Variants in ITGAV observed in about 807,000 individuals in gnomAD.
ITGAV encodes the protein integrin alpha-V.
A neutral mutation model predicts 143.8 loss-of-function variants in ITGAV; 76 were observed. The ratio of observed to expected loss-of-function variants is 0.53; its 90% CI spans 0.44 to 0.64. The LOEUF (loss-of-function observed/expected upper bound fraction) is 0.64, where lower values mean the gene tolerates loss of function less well. Among genes scored for constraint, ITGAV ranks in the 30% least tolerant of loss-of-function variants. ITGAV has a pLI of 0.00. For synonymous variants in ITGAV, 453 were observed against 446.7 expected, an observed-to-expected ratio of 1.01 and a Z score of -0.18; for missense variants, 1,193 against 1,274.7, an observed-to-expected ratio of 0.94 and a Z score of 0.98.
chr2:186,632,037 TA>T (rs1207482686), intron 5 of ITGAV, among the ~76,000 whole-genome samples: 1 of 152,134 alleles, frequency 6.6e-6, no homozygotes, highest in Non-Finnish European at 1.5e-5. Flanking sequence ...AATGTTTTTT[TA>T]AAAATTTTAT....
intron 2 of ITGAV, among the ~76,000 whole-genome samples, chr2:186,621,585 G>A (rs1433352948): frequency 3.3e-5 from 5 of 152,012 alleles, no homozygotes; most frequent in Admixed American, 1.3e-4. Context: ...GCATTCGGTC[G>A]ACATGTCTTA....
At chr2:186,634,436 G>A (rs1227334906) in intron 6 of ITGAV, among the ~76,000 whole-genome samples, 1 of 136,806 alleles carries the variant, frequency 7.3e-6, no homozygotes, top group African/African-American at 2.9e-5. Context: ...TCTACACTAT[G>A]CTTTCCTGAC....
chr2:186,661,342 C>G (rs1688738656), intron 18 of ITGAV, among the ~76,000 whole-genome samples: 3 of 152,082 alleles, frequency 2.0e-5, no homozygotes, highest in South Asian at 4.1e-4. Context: ...AATTAAGCAT[C>G]AGCTTTTAAC....
In ITGAV at chr2:186,643,539, A is replaced by G. The variant is rs149596545; in HGVS notation, c.1159+1951A>G. Among the ~76,000 whole-genome samples the G allele has an allele frequency of 3.0e-3, 453 of 152,346 alleles. 2 individuals carry two copies. Among genetic ancestry groups the G allele is most frequent in the African/African-American group, 0.01 (436 of 41,584 alleles). On this transcript the variant is annotated intron_variant, in intron 12 of 29. Transcript: ENST00000261023. ...TTAGATCTTTTGTTGTTGTTCATACATGAAGACATTAAGTGTCATTGTTCC... is the reference window on the plus strand; with the variant it reads ...TTAGATCTTTTGTTGTTGTTCATACGTGAAGACATTAAGTGTCATTGTTCC...
intron 2 of ITGAV, among the ~76,000 whole-genome samples, chr2:186,619,420 T>C (rs1431648169): frequency 3.3e-5 from 5 of 151,880 alleles, no homozygotes; most frequent in Non-Finnish European, 7.4e-5. Context: ...AATGGGAAAA[T>C]AGAGATTTGT....
In ITGAV at chr2:186,667,237, A is replaced by T. The variant is rs1308094968; in HGVS notation, c.2327+7A>T. ...CTGCAGTTGAGATAAGAGGGTCAGT[A>T]TGAATACTTAGTTGAGTATCTCATT... On this transcript the variant is annotated splice_region_variant and intron_variant, in intron 23 of 29. Coordinates refer to ENST00000261023, the MANE Select transcript of ITGAV (RefSeq NM_002210.5). 1 of 1,590,968 alleles carries T rather than the reference A, an allele frequency of 6.3e-7. No homozygotes were observed.
At chr2:186,638,603 G>C in intron 10 of ITGAV, 138 bp downstream of exon 10, 1 of 660,512 alleles carries the variant, frequency 1.5e-6, no homozygotes, top group South Asian at 1.9e-5. Flanking sequence ...TACCATTTTG[G>C]TCAAACTATT....
chr2:186,623,172 A>G (rs1026180156), intron 3 of ITGAV, among the ~76,000 whole-genome samples: 1 of 152,198 alleles, frequency 6.6e-6, no homozygotes, highest in Non-Finnish European at 1.5e-5. Flanking sequence ...TATGGTAACC[A>G]TCGTAGTTCT....
chr2:186,668,991 A>G, intron 25 of ITGAV, 71 bp downstream of exon 25: 1 of 1,331,350 alleles, frequency 7.5e-7, no homozygotes, highest in Non-Finnish European at 1.0e-6. Context: ...TGTAAAAGAA[A>G]TTCATAAAAT....
At chr2:186,617,774 T>C (rs1354535282) in intron 2 of ITGAV, among the ~76,000 whole-genome samples, 1 of 152,116 alleles carries the variant, frequency 6.6e-6, no homozygotes, top group Non-Finnish European at 1.5e-5. Context: ...GATACTCTTT[T>C]TTTCTTTTTT....
chr2:186,658,991 T>C (rs765731654), intron 17 of ITGAV, 47 bp from the exon 18 acceptor site: 73 of 1,492,590 alleles, frequency 4.9e-5, no homozygotes, highest in South Asian at 4.8e-4. Context: ...TTTCTCCAGA[T>C]AATTTAGGTT....
Position 186,622,397 on chromosome 2 carries a change from A to G in ITGAV, c.375A>G (p.Gly125=). Residue 125 remains glycine, a synonymous_variant, in exon 3 of 30, where the codon GGA becomes GGG. Coordinates refer to ENST00000261023, the MANE Select transcript of ITGAV (RefSeq NM_002210.5). ...AATTTAAGTCCCATCAGTGGTTTGG[A>G]GCATCTGTGAGGTCGAAACAGGATA... The part of the protein sequence containing the change: ...PLEFKSHQWF[G]ASVRSKQDKI... The G allele has an allele frequency of 6.2e-7, 1 of 1,613,582 alleles. No individual in the cohort carries two copies. Among genetic ancestry groups the G allele is most frequent in the African/African-American group, 1.3e-5 (1 of 75,028 alleles).
rs770026678 is a variant in ITGAV, at chr2:186,590,481, A to G, written c.143A>G (p.Tyr48Cys). The change falls in exon 1 of 30, where the codon TAC (tyrosine) becomes TGC (cysteine). Residue 48 changes from tyrosine (Y) to cysteine (C), a missense_variant. By Grantham distance (194) the Tyr-to-Cys change is radical. Transcript: ENST00000261023. ...GAGTACTCTGGCCCCGAGGGAAGTT[A>G]CTTCGGCTTCGCCGTGGATTTCTTC... ...PAEYSGPEGS[Y>C]FGFAVDFFVP... is the part of the protein sequence containing the mutation. The G allele has an allele frequency of 2.5e-6, 4 of 1,611,192 alleles. No individual in the cohort carries two copies. Among genetic ancestry groups the G allele is most frequent in the Non-Finnish European group, 3.4e-6 (4 of 1,179,010 alleles).
At chr2:186,668,440 C>T (rs1283772468) in intron 24 of ITGAV, 8 of 266,816 alleles carry the variant, frequency 3.0e-5, no homozygotes, top group Admixed American at 1.8e-4. Flanking sequence ...GGTTTCACCA[C>T]GTTGGCCAGG....
chr2:186,641,326 A>C, intron 11 of ITGAV, 60 bp from the exon 12 acceptor site: 1 of 1,344,600 alleles, frequency 7.4e-7, no homozygotes, highest in Non-Finnish European at 1.1e-6. Context: ...GTAAGAAAGA[A>C]AATGCCTACT....
chr2:186,651,478 A>G (rs547365355), intron 14 of ITGAV, among the ~76,000 whole-genome samples: 2 of 152,344 alleles, frequency 1.3e-5, no homozygotes, highest in Admixed American at 6.5e-5. Context: ...CACACCAGCT[A>G]ATAATTTATT....
intron 26 of ITGAV, 73 bp downstream of exon 26, chr2:186,669,887 A>C: frequency 1.0e-6 from 1 of 970,814 alleles, no homozygotes; most frequent in Non-Finnish European, 1.6e-6. Context: ...GCCAAAGAAC[A>C]TTTCAAAAAT....
chr2:186,610,842 C>A (rs553265281), intron 2 of ITGAV, among the ~76,000 whole-genome samples: 2 of 152,088 alleles, frequency 1.3e-5, no homozygotes, highest in Admixed American at 1.3e-4. Flanking sequence ...TAATAGATTG[C>A]GATGCAAAAC....
intron 2 of ITGAV, among the ~76,000 whole-genome samples, 181 bp downstream of exon 2, chr2:186,602,332 A>G (rs1272165958): frequency 2.0e-5 from 3 of 152,344 alleles, no homozygotes; most frequent in Non-Finnish European, 4.4e-5. Flanking sequence ...TTTGTGGTAG[A>G]TGAAAGTATT....
Sources: allele counts gnomAD v4.1 joint callset (sites outside exome capture counted in the v4.1 genomes callset), GRCh38; gene constraint gnomAD v4.1.1; transcripts MANE v1.5; gene names NCBI Gene and HGNC (gene_info 2026-07-23, HGNC 2026-07-21).